Variants in CCNB3 observed in about 807,000 individuals in gnomAD.
The protein encoded by CCNB3 is G2/mitotic-specific cyclin-B3.
In CCNB3, 12 loss-of-function variants were observed where a neutral mutation model predicts 68.0. That is an observed-to-expected ratio of 0.18 (90% confidence interval 0.11 to 0.29). CCNB3 has a LOEUF of 0.29. Among genes scored for constraint, CCNB3 ranks in the 10% least tolerant of loss-of-function variants. The probability of loss-of-function intolerance (pLI) is 1.00; values close to 1 mark genes in which losing one functional copy is unlikely to be tolerated. For synonymous variants in CCNB3, 354 were observed against 388.9 expected (o/e 0.91, Z 1.06); for missense variants, 904 against 993.1 (o/e 0.91, Z 1.21).
At chrX:50,216,113 T>A in intron 1 of CCNB3, among the ~76,000 whole-genome samples, 1 of 108,051 alleles carries the variant, frequency 9.3e-6, no homozygotes, top group Non-Finnish European at 1.9e-5. Flanking sequence ...CACGCCTGGC[T>A]AATTTTTGTA....
At chrX:50,313,974 G>A (rs782717899) in intron 8 of CCNB3, 26 bp downstream of exon 8, 1 of 1,099,135 alleles carries the variant, frequency 9.1e-7, no homozygotes, top group Non-Finnish European at 1.3e-6. Flanking sequence ...CCTGCCTTAA[G>A]GAGCTGCTGT....
At chrX:50,303,452 G>GTT (rs369109105) in intron 5 of CCNB3, among the ~76,000 whole-genome samples, 6 of 99,824 alleles carry the variant, frequency 6.0e-5, no homozygotes, top group South Asian at 4.5e-4. Context: ...AGCTGGCAGT[G>GTT]TTTTTTTTTT....
At chrX:50,321,402 C>A (rs1922006964) in intron 8 of CCNB3, among the ~76,000 whole-genome samples, 1 of 111,679 alleles carries the variant, frequency 9.0e-6, no homozygotes, top group Non-Finnish European at 1.9e-5. Context: ...ATAACTATTT[C>A]TACAAAATTT....
chrX:50,287,807 T>C (rs1437467752), intron 3 of CCNB3, among the ~76,000 whole-genome samples: 1 of 110,943 alleles, frequency 9.0e-6, no homozygotes, highest in African/African-American at 3.3e-5. Context: ...GTCTGTGGCC[T>C]GTTAGGAACC....
intron 4 of CCNB3, among the ~76,000 whole-genome samples, chrX:50,290,991 T>C (rs1021922740): frequency 2.7e-5 from 3 of 111,793 alleles, no homozygotes; most frequent in Non-Finnish European, 3.8e-5. Context: ...CTCTCTGGGT[T>C]TTGGAGGTTC....
rs1935965183 is a variant in CCNB3, at chrX:50,228,366, A to G, written c.-113+23416A>G. ...ACATACATATATAGAAGATATATAT[A>G]CATAATATATAGAGGATATATCTAC... On this transcript the variant is annotated intron_variant, in intron 1 of 12. Coordinates refer to ENST00000376042, the MANE Select transcript of CCNB3 (RefSeq NM_033031.3). Among the ~76,000 whole-genome samples, 3 of 93,639 alleles carry G rather than the reference A, an allele frequency of 3.2e-5. No homozygotes were observed. In the Admixed American group the frequency reaches 4.2e-4, roughly 13 times the overall value. The allele number at this position is 93,639 out of a possible 115,157, so 81.3% of individuals were successfully genotyped here. A position where few individuals can be genotyped will look rare whatever the true frequency, so the allele number is the denominator to read the frequency against.
chrX:50,290,178 A>T (rs1366546328), intron 4 of CCNB3, among the ~76,000 whole-genome samples: 1 of 112,028 alleles, frequency 8.9e-6, no homozygotes, highest in East Asian at 2.8e-4. Context: ...GTACAGTGAC[A>T]CTGTGCAAGG....
rs377686958 is a variant in CCNB3 at position 50,346,610 on chromosome X, G to T, written c.3655-42G>T. 339 of 1,172,291 alleles carry T rather than the reference G, an allele frequency of 2.9e-4. 2 individuals carry two copies. Among genetic ancestry groups the T allele is most frequent in the Middle Eastern group, 7.5e-4 (3 of 3,999 alleles). The stretch of plus-strand genomic sequence containing the variant: ...TTTTACCTCTAAGCAGAAAGGTTGG[G>T]TTGTCTGTCTGGTTGTCACCTCCTC... On this transcript the variant is annotated intron_variant, in intron 9 of 12. Coordinates refer to ENST00000376042, the MANE Select transcript of CCNB3 (RefSeq NM_033031.3).
At chrX:50,319,806 A>G (rs73495645) in intron 8 of CCNB3, among the ~76,000 whole-genome samples, 1,367 of 111,654 alleles carry the variant, frequency 0.012, 13 homozygotes, top group African/African-American at 0.043. Context: ...ATCCTGCGTA[A>G]TATATTTTTT....
intron 8 of CCNB3, among the ~76,000 whole-genome samples, chrX:50,326,151 T>C (rs1479434821): frequency 8.9e-6 from 1 of 111,889 alleles, no homozygotes; most frequent in Non-Finnish European, 1.9e-5. Flanking sequence ...ATAGTGTTTA[T>C]TTTGTTAACC....
intron 1 of CCNB3, among the ~76,000 whole-genome samples, chrX:50,281,296 C>T (rs1418621692): frequency 9.0e-6 from 1 of 111,408 alleles, no homozygotes; most frequent in African/African-American, 3.3e-5. Flanking sequence ...TTTTCAAAAT[C>T]CCAACTGGGC....
chrX:50,290,179 C>T (rs1434791411), intron 4 of CCNB3, among the ~76,000 whole-genome samples: 5 of 112,011 alleles, frequency 4.5e-5, no homozygotes, highest in African/African-American at 1.6e-4. Flanking sequence ...TACAGTGACA[C>T]TGTGCAAGGA....
intron 4 of CCNB3, among the ~76,000 whole-genome samples, chrX:50,289,167 C>T (rs1936301410): frequency 9.0e-6 from 1 of 111,536 alleles, no homozygotes; most frequent in Non-Finnish European, 1.9e-5. Flanking sequence ...AGATAAAGTC[C>T]AGAGGTGACT....
chrX:50,227,788 AAT>A (rs1179770200), intron 1 of CCNB3, among the ~76,000 whole-genome samples: 6 of 66,229 alleles, frequency 9.1e-5, no homozygotes, highest in Admixed American at 4.3e-4. Flanking sequence ...AATATATATA[AAT>A]ATATATAGAG....
intron 1 of CCNB3, among the ~76,000 whole-genome samples, chrX:50,225,268 CGGG>C (rs1935734092): frequency 9.1e-6 from 1 of 110,457 alleles, no homozygotes; most frequent in East Asian, 2.9e-4. Flanking sequence ...TTCCAGGCTG[CGGG>C]AACATCTTGT....
At chrX:50,208,771 G>A (rs1935421473) in intron 1 of CCNB3, among the ~76,000 whole-genome samples, 3 of 111,834 alleles carry the variant, frequency 2.7e-5, no homozygotes, top group African/African-American at 9.8e-5. Context: ...AATATGTTGG[G>A]AAGTGCTCCC....
At chrX:50,279,443 T>A (rs1415492199) in intron 1 of CCNB3, among the ~76,000 whole-genome samples, 158 of 71,106 alleles carry the variant, frequency 2.2e-3, no homozygotes, top group African/African-American at 8.2e-3. Flanking sequence ...AATATATATA[T>A]AAATATATAA....
At chrX:50,319,041 A>G (rs1239317419) in intron 8 of CCNB3, among the ~76,000 whole-genome samples, 2 of 111,591 alleles carry the variant, frequency 1.8e-5, no homozygotes, top group Admixed American at 1.9e-4. Context: ...GGACTCTTGG[A>G]AGCTTGCTTG....
At chrX:50,294,137 C>T (rs1936401381) in intron 4 of CCNB3, among the ~76,000 whole-genome samples, 1 of 110,371 alleles carries the variant, frequency 9.1e-6, no homozygotes, top group Non-Finnish European at 1.9e-5. Context: ...GACAGGGTCT[C>T]CCTATGTTGC....
Sources: allele counts gnomAD v4.1 joint callset (sites outside exome capture counted in the v4.1 genomes callset), GRCh38; gene constraint gnomAD v4.1.1; transcripts MANE v1.5; gene names NCBI Gene and HGNC (gene_info 2026-07-23, HGNC 2026-07-21).